Variants in KHDRBS2 observed in about 807,000 individuals in gnomAD.
KHDRBS2 encodes the protein KH domain-containing, RNA-binding, signal transduction-associated protein 2.
In KHDRBS2, 26 loss-of-function variants were observed where a neutral mutation model predicts 44.3. The ratio of observed to expected loss-of-function variants is 0.59; its 90% CI spans 0.43 to 0.81. KHDRBS2 has a LOEUF of 0.81. KHDRBS2 is among the 40% of genes least tolerant of loss of function. KHDRBS2 has a pLI of 0.00. For missense variants in KHDRBS2, 476 were observed against 433.1 expected, an observed-to-expected ratio of 1.10 and a Z score of -0.88; for synonymous variants, 194 against 151.1, an observed-to-expected ratio of 1.28 and a Z score of -2.08.
At chr6:61,811,061 A>G (rs528991031) in intron 6 of KHDRBS2, among the ~76,000 whole-genome samples, 1 of 152,252 alleles carries the variant, frequency 6.6e-6, no homozygotes, top group East Asian at 1.9e-4. Context: ...CTGTCACTCA[A>G]GATAGTGAAC....
the KHDRBS2 span, among the ~76,000 whole-genome samples, chr6:61,553,928 T>C: frequency 2.3e-4 from 35 of 152,196 alleles, no homozygotes. Context: ...AATTGTCTGG[T>C]CACTTTTAGA....
chr6:62,093,577 C>T (rs1799899384), intron 2 of KHDRBS2, among the ~76,000 whole-genome samples: 1 of 151,870 alleles, frequency 6.6e-6, no homozygotes, highest in Non-Finnish European at 1.5e-5. Flanking sequence ...TCCTACTATG[C>T]AATGGAACAC....
intron 3 of KHDRBS2, among the ~76,000 whole-genome samples, chr6:62,020,059 A>G (rs927327975): frequency 6.6e-6 from 1 of 151,890 alleles, no homozygotes; most frequent in Admixed American, 6.6e-5. Flanking sequence ...GTTTAATGCT[A>G]TGAAGTTCCA....
chr6:62,041,251 A>G (rs560274812), intron 3 of KHDRBS2, among the ~76,000 whole-genome samples: 4 of 152,160 alleles, frequency 2.6e-5, no homozygotes, highest in African/African-American at 9.6e-5. Context: ...GAATCACTTG[A>G]ACCCAGGAGG....
chr6:61,912,143 AATG>A (rs1180779114), intron 4 of KHDRBS2, among the ~76,000 whole-genome samples: 2 of 152,160 alleles, frequency 1.3e-5, no homozygotes, highest in Non-Finnish European at 2.9e-5. Context: ...TAAAGGAGAA[AATG>A]ATGAAAAACT....
chr6:61,836,059 T>C (rs1792622186), intron 6 of KHDRBS2, among the ~76,000 whole-genome samples: 2 of 151,982 alleles, frequency 1.3e-5, no homozygotes, highest in Non-Finnish European at 2.9e-5. Context: ...AGAGATTAAG[T>C]ACTATACTCA....
intron 2 of KHDRBS2, among the ~76,000 whole-genome samples, chr6:62,108,164 A>G (rs948992903): frequency 2.0e-5 from 3 of 152,128 alleles, no homozygotes; most frequent in African/African-American, 7.2e-5. Flanking sequence ...GGCAACCTAC[A>G]AAATGGGAGA....
rs114912782 is a variant in KHDRBS2, at chr6:62,114,418, A to G, written c.219+62767T>C. Among the ~76,000 whole-genome samples the G allele has an allele frequency of 2.5e-3, 381 of 152,312 alleles. 3 individuals carry two copies. Among genetic ancestry groups the G allele is most frequent in the African/African-American group, 8.3e-3 (347 of 41,574 alleles). On this transcript the variant is annotated intron_variant, in intron 2 of 8. Coordinates refer to ENST00000281156, the MANE Select transcript of KHDRBS2 (RefSeq NM_152688.4). ...TTCTGAAATGTAAGAGTTTTGTGACATTGATCAGTTCACTAAACTTTTCTG... is the reference window on the plus strand; with the variant it reads ...TTCTGAAATGTAAGAGTTTTGTGACGTTGATCAGTTCACTAAACTTTTCTG...
chr6:61,802,806 T>C (rs1278491214), intron 6 of KHDRBS2, among the ~76,000 whole-genome samples: 1 of 152,110 alleles, frequency 6.6e-6, no homozygotes, highest in Non-Finnish European at 1.5e-5. Flanking sequence ...TGTCGGCAAA[T>C]CTCTCATCTT....
At chr6:61,823,565 C>A (rs1487397270) in intron 6 of KHDRBS2, among the ~76,000 whole-genome samples, 3 of 152,056 alleles carry the variant, frequency 2.0e-5, no homozygotes, top group Non-Finnish European at 1.5e-5. Flanking sequence ...TGCGATATTT[C>A]TCTCAGAACA....
At chr6:61,805,972 G>C (rs1406371979) in intron 6 of KHDRBS2, among the ~76,000 whole-genome samples, 1 of 152,186 alleles carries the variant, frequency 6.6e-6, no homozygotes, top group Non-Finnish European at 1.5e-5. Flanking sequence ...AGTCACACAA[G>C]TAATTAGTGG....
chr6:61,979,581 T>C (rs926261228), intron 3 of KHDRBS2, among the ~76,000 whole-genome samples: 1 of 152,160 alleles, frequency 6.6e-6, no homozygotes, highest in African/African-American at 2.4e-5. Flanking sequence ...TTCCTGTATA[T>C]ATACCCTTCA....
intron 4 of KHDRBS2, among the ~76,000 whole-genome samples, chr6:61,940,181 C>T (rs1037351411): frequency 1.3e-5 from 2 of 150,414 alleles, no homozygotes; most frequent in Non-Finnish European, 3.0e-5. Flanking sequence ...TGTTTGATAT[C>T]AGAAATATAT....
intron 2 of KHDRBS2, among the ~76,000 whole-genome samples, chr6:62,054,020 A>T (rs754576932): frequency 6.6e-6 from 1 of 152,058 alleles, no homozygotes; most frequent in Admixed American, 6.6e-5. Flanking sequence ...ACCTTTACAG[A>T]ACATGTATAA....
At chr6:62,270,801 C>T (rs970181190) in intron 1 of KHDRBS2, among the ~76,000 whole-genome samples, 2 of 151,942 alleles carry the variant, frequency 1.3e-5, no homozygotes, top group Admixed American at 6.6e-5. Context: ...ATAGGATTCA[C>T]GAGATGACTG....
intron 7 of KHDRBS2, among the ~76,000 whole-genome samples, chr6:61,706,371 G>C (rs962308870): frequency 6.6e-6 from 1 of 151,772 alleles, no homozygotes; most frequent in Non-Finnish European, 1.5e-5. Context: ...AGAACCTAAA[G>C]GTTTTGAGAA....
intron 2 of KHDRBS2, among the ~76,000 whole-genome samples, chr6:62,096,020 T>C (rs1351050457): frequency 3.3e-5 from 5 of 152,160 alleles, no homozygotes; most frequent in African/African-American, 1.2e-4. Context: ...CTGTATCACA[T>C]TTATTGATTT....
intron 6 of KHDRBS2, among the ~76,000 whole-genome samples, chr6:61,873,231 C>A (rs1490007653): frequency 1.3e-5 from 2 of 151,856 alleles, no homozygotes; most frequent in African/African-American, 2.4e-5. Flanking sequence ...AAAGATAGAA[C>A]CACAAATCAG....
chr6:61,843,398 T>C (rs902164053), intron 6 of KHDRBS2, among the ~76,000 whole-genome samples: 5 of 150,146 alleles, frequency 3.3e-5, no homozygotes, highest in African/African-American at 1.2e-4. Flanking sequence ...TCTCACTCCC[T>C]CACCCAGTAG....
Sources: gnomAD v4.1 joint callset for allele counts (sites outside exome capture counted in the v4.1 genomes callset) on GRCh38, gnomAD v4.1.1 for gene constraint, MANE v1.5 for transcripts, NCBI Gene and HGNC (gene_info 2026-07-23, HGNC 2026-07-21) for gene names.